HOMER1: variants seen among roughly 807,000 people sequenced by gnomAD.
HOMER1 encodes homer scaffold protein 1, also known as homer protein homolog 1.
A neutral mutation model predicts 48.9 loss-of-function variants in HOMER1; 3 were observed. That is an observed-to-expected ratio of 0.06 (90% confidence interval 0.03 to 0.16). The LOEUF is 0.16. Ranked by LOEUF, HOMER1 falls within the 10% of genes least tolerant of loss-of-function variation. The pLI is 1.00. For missense variants in HOMER1, 247 were observed against 411.4 expected (o/e 0.60, Z 3.46); for synonymous variants, 134 against 146.4 (o/e 0.92, Z 0.61).
At chr5:79,455,854 TTGA>T (rs1171932894) in intron 2 of HOMER1, among the ~76,000 whole-genome samples, 1 of 152,134 alleles carries the variant, frequency 6.6e-6, no homozygotes, top group Non-Finnish European at 1.5e-5. Flanking sequence ...ATGAAGTTCA[TTGA>T]TGATTAAAGG....
At chr5:79,489,931 G>A (rs1752222429) in intron 1 of HOMER1, among the ~76,000 whole-genome samples, 1 of 152,214 alleles carries the variant, frequency 6.6e-6, no homozygotes, top group African/African-American at 2.4e-5. Context: ...GGGGACATAT[G>A]AAGTTCCCTG....
chr5:79,440,877 T>A (rs1750718148), intron 4 of HOMER1, among the ~76,000 whole-genome samples: 1 of 152,154 alleles, frequency 6.6e-6, no homozygotes, highest in Non-Finnish European at 1.5e-5. Context: ...CAGAAACAAG[T>A]TACCGGCCGG....
rs111457551 is a variant in HOMER1 at position 79,387,075 on chromosome 5, ATCTC to A, written c.876+9744_876+9747del. Reference sequence around the variant, plus strand: ...TCCTTCCTCTTTCCTTTCTTTCTCTATCTCTCTCTCTCTCTCTCTCTCTCTTTCT... The same window carrying A: ...TCCTTCCTCTTTCCTTTCTTTCTCTATCTCTCTCTCTCTCTCTCTCTTTCT... On this transcript the variant is annotated intron_variant, in intron 8 of 8. Transcript: ENST00000334082. Among the ~76,000 whole-genome samples, 254 of 113,692 alleles carry A rather than the reference ATCTC, an allele frequency of 2.2e-3. 1 individual carries two copies. Among genetic ancestry groups the A allele is most frequent in the South Asian group, 3.5e-3 (12 of 3,448 alleles). The allele number at this position is 113,692 out of a possible 152,430, so 74.6% of individuals were successfully genotyped here.
intron 1 of HOMER1, among the ~76,000 whole-genome samples, chr5:79,479,978 C>G (rs1057087914): frequency 6.6e-6 from 1 of 152,086 alleles, no homozygotes; most frequent in Non-Finnish European, 1.5e-5. Context: ...AATTAAAGCT[C>G]AAGAATAACA....
intron 5 of HOMER1, among the ~76,000 whole-genome samples, chr5:79,409,396 C>A (rs1227256299): frequency 1.3e-5 from 2 of 149,190 alleles, no homozygotes; most frequent in Admixed American, 1.3e-4. Context: ...TGCTCCGTTG[C>A]ACCCCAGCCT....
intron 8 of HOMER1, among the ~76,000 whole-genome samples, chr5:79,379,801 T>C (rs550155328): frequency 1.3e-5 from 2 of 152,116 alleles, no homozygotes; most frequent in African/African-American, 4.8e-5. Flanking sequence ...TTTGGCTCTG[T>C]TATTTCCCTC....
chr5:79,502,221 T>C (rs995056033), intron 1 of HOMER1, among the ~76,000 whole-genome samples: 10 of 152,212 alleles, frequency 6.6e-5, no homozygotes, highest in Non-Finnish European at 1.3e-4. Context: ...AGTTTCACTA[T>C]GTTGGCCAGG....
At chr5:79,398,416 C>T (rs1240045735) in intron 6 of HOMER1, among the ~76,000 whole-genome samples, 2 of 151,904 alleles carry the variant, frequency 1.3e-5, no homozygotes, top group Non-Finnish European at 2.9e-5. Context: ...AAATTCTAGA[C>T]TATTAAAGAA....
At chr5:79,385,169 T>TA (rs1047358711) in intron 8 of HOMER1, among the ~76,000 whole-genome samples, 18 of 151,548 alleles carry the variant, frequency 1.2e-4, no homozygotes, top group Non-Finnish European at 2.2e-4. Flanking sequence ...AAGAAAACTT[T>TA]AAAAAAAACA....
At position 79,376,717 on chromosome 5, in the gene HOMER1, T is replaced by C. The variant is rs1748780923; in HGVS notation, c.877-520A>G. The stretch of plus-strand genomic sequence containing the variant: ...TGTTATTCTTTGCTTTGCCTCAATA[T>C]CAAATAAATGTATATGTAGAGAGTA... On this transcript the variant is annotated intron_variant, in intron 8 of 8. Coordinates refer to ENST00000334082, the MANE Select transcript of HOMER1 (RefSeq NM_004272.5). Among the ~76,000 whole-genome samples, 2 of 152,208 alleles carry C rather than the reference T, an allele frequency of 1.3e-5. 1 individual carries two copies. The highest frequency in any genetic ancestry group is 4.1e-4 in the South Asian group (2 of 4,832).
chr5:79,392,723 CCACT>C (rs1749281806), intron 8 of HOMER1, among the ~76,000 whole-genome samples: 1 of 152,140 alleles, frequency 6.6e-6, no homozygotes, highest in Admixed American at 6.5e-5. Context: ...AATTCACTCA[CCACT>C]CACTCACTGA....
chr5:79,484,919 T>C (rs1338175304), intron 1 of HOMER1, among the ~76,000 whole-genome samples: 1 of 152,120 alleles, frequency 6.6e-6, no homozygotes, highest in Non-Finnish European at 1.5e-5. Flanking sequence ...ATGTCATCAT[T>C]GCTCAAGGTT....
At chr5:79,432,226 C>T (rs957884572) in intron 5 of HOMER1, among the ~76,000 whole-genome samples, 10 of 152,162 alleles carry the variant, frequency 6.6e-5, no homozygotes, top group Admixed American at 3.9e-4. Flanking sequence ...CAAAACTGTC[C>T]GTATCACCTA....
At chr5:79,492,567 A>G (rs185429039) in intron 1 of HOMER1, among the ~76,000 whole-genome samples, 462 of 152,260 alleles carry the variant, frequency 3.0e-3, no homozygotes, top group Non-Finnish European at 4.3e-3. Context: ...AGTGCTTCGC[A>G]TGTGGTATGT....
intron 8 of HOMER1, among the ~76,000 whole-genome samples, chr5:79,383,177 T>G (rs1037130606): frequency 6.6e-6 from 1 of 152,114 alleles, no homozygotes; most frequent in Admixed American, 6.5e-5. Flanking sequence ...CAAGAGGATA[T>G]ATACGTTCCC....
Position 79,500,963 on chromosome 5 carries a change from G to GACACACACACACACACACACACAC in HOMER1, c.5+11783_5+11806dup, listed in dbSNP as rs140189642. ...TGTGTGTGTGTGTGTGAGACAGACA[G>GACACACACACACACACACACACAC]ACACACACACACACACACACACACA... is the stretch of plus-strand genomic sequence containing the variant. On this transcript the variant is annotated intron_variant, in intron 1 of 8. Coordinates refer to ENST00000334082, the MANE Select transcript of HOMER1 (RefSeq NM_004272.5). Among the ~76,000 whole-genome samples the GACACACACACACACACACACACAC allele has an allele frequency of 1.7e-3, 168 of 101,680 alleles. 1 individual carries two copies. The highest frequency in any genetic ancestry group is 5.5e-3 in the African/African-American group (163 of 29,884). The allele number at this position is 101,680 out of a possible 152,430, so 66.7% of individuals were successfully genotyped here.
chr5:79,491,206 TG>T (rs1193930814), intron 1 of HOMER1, among the ~76,000 whole-genome samples: 11 of 147,578 alleles, frequency 7.5e-5, no homozygotes, highest in Admixed American at 2.0e-4. Context: ...CTGAGGTGGA[TG>T]GATCACTTGA....
chr5:79,462,692 A>G (rs964073120), intron 1 of HOMER1, among the ~76,000 whole-genome samples: 1 of 152,200 alleles, frequency 6.6e-6, no homozygotes, highest in Admixed American at 6.5e-5. Context: ...TTTGGTCTAG[A>G]AAAAAAGCAG....
chr5:79,407,009 C>T (rs1749677068), intron 5 of HOMER1, among the ~76,000 whole-genome samples: 1 of 152,170 alleles, frequency 6.6e-6, no homozygotes, highest in Admixed American at 6.5e-5. Flanking sequence ...AGAGACAGAC[C>T]TTCTTTGAGG....
Sources: gnomAD v4.1 joint callset for allele counts (sites outside exome capture counted in the v4.1 genomes callset) on GRCh38, gnomAD v4.1.1 for gene constraint, MANE v1.5 for transcripts, NCBI Gene and HGNC (gene_info 2026-07-23, HGNC 2026-07-21) for gene names.